Variants in PEX26 observed in about 807,000 individuals in gnomAD.
PEX26 encodes peroxisomal biogenesis factor 26.
PEX26 carries 18 observed loss-of-function variants against 31.4 expected under a neutral mutation model. The observed-to-expected ratio is 0.57, with a 90% CI of 0.40 to 0.85. PEX26 has a LOEUF of 0.85. Ranked by LOEUF, PEX26 falls within the 40% of genes least tolerant of loss-of-function variation. The probability of loss-of-function intolerance (pLI) is 0.00; values close to 1 mark genes in which losing one functional copy is unlikely to be tolerated. For missense variants in PEX26, 377 were observed against 383.9 expected, an observed-to-expected ratio of 0.98 and a Z score of 0.15; for synonymous variants, 176 against 166.9, an observed-to-expected ratio of 1.05 and a Z score of -0.42.
chr22:18,087,580 G>A (rs361537), intron 4 of PEX26, among the ~76,000 whole-genome samples: 128,546 of 152,270 alleles, frequency 0.84, 54,952 homozygotes, highest in East Asian at 0.93. Flanking sequence ...TATGGTTCCC[G>A]TAAGCCCTTT....
At chr22:18,082,989 C>T (rs1926678751) in intron 2 of PEX26, among the ~76,000 whole-genome samples, 1 of 151,996 alleles carries the variant, frequency 6.6e-6, no homozygotes, top group African/African-American at 2.4e-5. Flanking sequence ...ATCTCTTTTC[C>T]AATGGTTCAC....
chr22:18,084,860 C>T (rs969872685), intron 3 of PEX26, among the ~76,000 whole-genome samples: 1 of 151,732 alleles, frequency 6.6e-6, no homozygotes, highest in Non-Finnish European at 1.5e-5. Flanking sequence ...GTAGCTGGGA[C>T]TACAGGCGCA....
At position 18,099,151 on chromosome 22, in the gene PEX26, T is replaced by A. The variant is rs1303132385; in HGVS notation, c.*11076T>A. 1 of 152,180 alleles carries A rather than the reference T, an allele frequency of 6.6e-6. No homozygotes were observed. Among genetic ancestry groups the A allele is most frequent in the Non-Finnish European group, 1.5e-5 (1 of 68,042 alleles). The allele number at this position is 152,180 out of a possible 1,614,324, so 9.4% of individuals were successfully genotyped here. A position where few individuals can be genotyped will look rare whatever the true frequency, so the allele number is the denominator to read the frequency against. On this transcript the variant is annotated 3_prime_UTR_variant, in exon 5 of 5. Coordinates refer to ENST00000399744, the MANE Select transcript of PEX26 (RefSeq NM_001127649.3). ...ATGTCTGAAGACAAAGTCTGGAGAT[T>A]GGTGGGCCAGAAGGTGTGAATCTAC...
intron 3 of PEX26, 25 bp downstream of exon 3, chr22:18,083,757 T>G (rs374921856): frequency 1.6e-5 from 26 of 1,610,988 alleles, no homozygotes; most frequent in Non-Finnish European, 2.1e-5. Flanking sequence ...CTCTGCGACC[T>G]CTGTAAAGTG....
rs1347782968 is a variant in PEX26, at chr22:18,100,455, A to C, written c.*12380A>C. The stretch of plus-strand genomic sequence containing the variant: ...TTGCAAAATACCTCAAGTGTACCTC[A>C]TTTACCTCAAATATACCTCATGGTC... On this transcript the variant is annotated 3_prime_UTR_variant, in exon 5 of 5. Transcript: ENST00000399744. 1 of 152,180 alleles carries C rather than the reference A, an allele frequency of 6.6e-6. No homozygotes were observed. Among genetic ancestry groups the C allele is most frequent in the Non-Finnish European group, 1.5e-5 (1 of 68,038 alleles). 9.4% of individuals were successfully genotyped at this position (152,180 alleles called of 1,614,324 possible).
chr22:18,083,698 A>C lies in PEX26; in HGVS notation c.633A>C (p.Ser211=), dbSNP rs745716374. Residue 211 remains serine, a synonymous_variant, in exon 3 of 5, where the codon TCA becomes TCC. Transcript: ENST00000399744. ...TARQQQKQEH[S]GSEEAQKPNL... Reference sequence around the variant, plus strand: ...GGCAGCAGCAGAAACAGGAACACTCAGGCTCTGAGGAGGCCCAGAAGCCAA... The same window carrying C: ...GGCAGCAGCAGAAACAGGAACACTCCGGCTCTGAGGAGGCCCAGAAGCCAA... 2 of 1,614,076 alleles carry C rather than the reference A, an allele frequency of 1.2e-6. No individual in the cohort carries two copies. Among genetic ancestry groups the C allele is most frequent in the Non-Finnish European group, 1.7e-6 (2 of 1,180,024 alleles).
chr22:18,083,429 G>A lies in PEX26; in HGVS notation c.372-8G>A. The A allele has an allele frequency of 6.2e-7, 1 of 1,613,452 alleles. No homozygotes were observed. On this transcript the variant is annotated splice_region_variant and splice_polypyrimidine_tract_variant and intron_variant, in intron 2 of 4. Transcript: ENST00000399744. ...TTTTGTTGGGATTGGGTTTTTTGGG[G>A]ACTGCAGCATTCTTTTATACAGCAA...
At position 18,078,409 on chromosome 22, in the gene PEX26, C is replaced by G. The variant is rs199668827; in HGVS notation, c.33C>G (p.Pro11=). The G allele has an allele frequency of 1.7e-5, 27 of 1,597,198 alleles. No individual in the cohort carries two copies. The African/African-American group carries it at 3.3e-4, about 20-fold the overall frequency. Residue 11 remains proline (P), a synonymous_variant, in exon 1 of 5, where the codon CCC becomes CCG. Coordinates refer to ENST00000399744, the MANE Select transcript of PEX26 (RefSeq NM_001127649.3). The stretch of plus-strand genomic sequence containing the variant: ...GCGATTCTTCGACCTCTGCAGCCCC[C>G]CTCAGGGGGCTCGGGGGACCCCTGC... MKSDSSTSAA[P]LRGLGGPLRS...
rs1569187825 is a variant in PEX26 at position 18,083,530 on chromosome 22, AT to A, written c.466del (p.Tyr156MetfsTer25). 1 of 1,614,122 alleles carries A rather than the reference AT, an allele frequency of 6.2e-7. No homozygotes were observed. Among genetic ancestry groups the A allele is most frequent in the Non-Finnish European group, 8.5e-7 (1 of 1,179,960 alleles). The stretch of plus-strand genomic sequence containing the variant: ...ACCCAGCCAATCAAAACCTTCCAGA[AT>A]ATGGAGCCTTGGCAGAATTTCACGT... ...QDPANQNLPE[Y>X]GALAEFHVQR... On this transcript the variant is annotated frameshift_variant, in exon 3 of 5. Transcript: ENST00000399744. LOFTEE classifies it high-confidence loss of function.
At chr22:18,081,281 T>G (rs966011896) in intron 2 of PEX26, among the ~76,000 whole-genome samples, 1 of 88,194 alleles carries the variant, frequency 1.1e-5, no homozygotes, top group Non-Finnish European at 2.5e-5. Flanking sequence ...CACACACACA[T>G]TATCCATTCA....
In PEX26 at chr22:18,087,846, GTC is replaced by G. The variant is rs1459038278; in HGVS notation, c.815-122_815-121del. On this transcript the variant is annotated intron_variant, in intron 4 of 4. Coordinates refer to ENST00000399744, the MANE Select transcript of PEX26 (RefSeq NM_001127649.3). ...AGCCTAGGTGACAGAGCGAGACCCT[GTC>G]TCTAAAAAAAACAAAACAAAACCAA... The G allele has an allele frequency of 7.8e-6, 6 of 770,892 alleles. No homozygotes were observed. The East Asian group carries it at 1.5e-4, about 19-fold the overall frequency. 47.8% of individuals were successfully genotyped at this position (770,892 alleles called of 1,614,324 possible).
chr22:18,085,349 TG>T, intron 4 of PEX26, 91 bp downstream of exon 4: 2 of 1,324,932 alleles, frequency 1.5e-6, no homozygotes, highest in Non-Finnish European at 1.1e-6. Context: ...AGAGTCCTAC[TG>T]GGGAGGGGAG....
intron 2 of PEX26, among the ~76,000 whole-genome samples, chr22:18,081,279 C>CACAT (rs1491085033): frequency 3.4e-4 from 48 of 140,104 alleles, no homozygotes; most frequent in African/African-American, 1.0e-3. Flanking sequence ...CACACACACA[C>CACAT]ATTATCCATT....
At position 18,090,009 on chromosome 22, in the gene PEX26, C is replaced by T. The variant is rs1041828484; in HGVS notation, c.*1934C>T. The T allele has an allele frequency of 1.3e-5, 2 of 152,110 alleles. No individual in the cohort carries two copies. The highest frequency in any genetic ancestry group is 1.3e-4 in the Admixed American group (2 of 15,252). The allele number at this position is 152,110 out of a possible 1,614,324, so 9.4% of individuals were successfully genotyped here. A position where few individuals can be genotyped will look rare whatever the true frequency, so the allele number is the denominator to read the frequency against. ...GAGCCATCGCGCCCGGCCAACTTTTCTTTAGAAAAATGAGTAAAGTAGGTA... is the reference window on the plus strand; with the variant it reads ...GAGCCATCGCGCCCGGCCAACTTTTTTTTAGAAAAATGAGTAAAGTAGGTA... On this transcript the variant is annotated 3_prime_UTR_variant, in exon 5 of 5. Coordinates refer to ENST00000399744, the MANE Select transcript of PEX26 (RefSeq NM_001127649.3).
Position 18,093,203 on chromosome 22 carries a change from A to T in PEX26, c.*5128A>T, listed in dbSNP as rs1378890672. 1.3e-5 allele frequency: 2 copies of T among 152,314 alleles called. No homozygotes were observed. Among genetic ancestry groups the T allele is most frequent in the East Asian group, 3.9e-4 (2 of 5,176 alleles). 9.4% of individuals were successfully genotyped at this position (152,314 alleles called of 1,614,324 possible). ...ACACGATTCTACCAATGCATGTTGC[A>T]TCTATAATTCACGAACATGGTCAAC... On this transcript the variant is annotated 3_prime_UTR_variant, in exon 5 of 5. Coordinates refer to ENST00000399744, the MANE Select transcript of PEX26 (RefSeq NM_001127649.3).
At chr22:18,083,226 G>C (rs1212248208) in intron 2 of PEX26, among the ~76,000 whole-genome samples, 1 of 152,188 alleles carries the variant, frequency 6.6e-6, no homozygotes, top group Non-Finnish European at 1.5e-5. Context: ...CCTGATCTTA[G>C]AGGAAAGGCT....
At chr22:18,085,405 T>A in intron 4 of PEX26, 147 bp downstream of exon 4, 1 of 862,598 alleles carries the variant, frequency 1.2e-6, no homozygotes, top group African/African-American at 1.6e-5. Context: ...CAAGGAGGAA[T>A]TGCTAGACTG....
rs117472525 is a variant in PEX26, at chr22:18,088,085, C to T, written c.*10C>T. 14,322 of 1,547,536 alleles carry T rather than the reference C, an allele frequency of 9.3e-3. 1,241 individuals carry two copies. In the Admixed American group the frequency reaches 0.17, roughly 18 times the overall value. On this transcript the variant is annotated 3_prime_UTR_variant, in exon 5 of 5. Coordinates refer to ENST00000399744, the MANE Select transcript of PEX26 (RefSeq NM_001127649.3). This position sits in a 1 kb window ranked among gnomAD's most constrained non-coding sequence, Gnocchi z 4.1. ...CCGCATCCGTGACTGAGGGTCCCTGCGCACCACAGCCTCTCTGCTCCTCAC... is the reference window on the plus strand; with the variant it reads ...CCGCATCCGTGACTGAGGGTCCCTGTGCACCACAGCCTCTCTGCTCCTCAC...
chr22:18,087,943 G>A (rs1369573020), intron 4 of PEX26, 29 bp from the exon 5 acceptor site: 17 of 1,413,068 alleles, frequency 1.2e-5, no homozygotes, highest in East Asian at 1.1e-4. Context: ...GGGGTGGGAC[G>A]TTCACTGTAG....
Sources: gnomAD v4.1 joint callset for allele counts (sites outside exome capture counted in the v4.1 genomes callset) on GRCh38, gnomAD v4.1.1 for gene constraint, Gnocchi (gnomAD v3.1) non-coding constraint, MANE v1.5 for transcripts, NCBI Gene and HGNC (gene_info 2026-07-23, HGNC 2026-07-21) for gene names.